The following UNC13C variants were observed in gnomAD, a reference collection of about 807,000 sequenced individuals.
UNC13C encodes unc-13 homolog C.
A neutral mutation model predicts 245.4 loss-of-function variants in UNC13C; 174 were observed. That is an observed-to-expected ratio of 0.71 (90% confidence interval 0.63 to 0.80). UNC13C has a LOEUF of 0.80. Among genes scored for constraint, UNC13C ranks in the 30% least tolerant of loss-of-function variants. The pLI is 0.00. For missense variants in UNC13C, 2,829 were observed against 2,602.9 expected (o/e 1.09, Z -1.89); for synonymous variants, 992 against 895.1 (o/e 1.11, Z -1.93).
At chr15:54,350,422 T>G (rs1217101559) in intron 17 of UNC13C, among the ~76,000 whole-genome samples, 2 of 152,100 alleles carry the variant, frequency 1.3e-5, no homozygotes, top group Non-Finnish European at 2.9e-5. Flanking sequence ...AGAATGGTAA[T>G]TAGAAAGAAA....
At chr15:54,103,226 T>C (rs899658367) in intron 2 of UNC13C, among the ~76,000 whole-genome samples, 2 of 152,206 alleles carry the variant, frequency 1.3e-5, no homozygotes, top group African/African-American at 2.4e-5. Context: ...CTCTTACACA[T>C]AGACATACAT....
At chr15:53,960,223 G>C in the UNC13C span, among the ~76,000 whole-genome samples, 2 of 152,168 alleles carry the variant, frequency 1.3e-5, no homozygotes, top group Admixed American at 1.3e-4. Context: ...CTAAGTCTTA[G>C]TTTCTTTACC....
intron 4 of UNC13C, among the ~76,000 whole-genome samples, chr15:54,214,719 T>C (rs1449444505): frequency 2.0e-5 from 3 of 152,010 alleles, no homozygotes; most frequent in Non-Finnish European, 2.9e-5. Context: ...TATTAAGAAG[T>C]TGGTCTTTCA....
chr15:54,473,885 C>A (rs1445549181), intron 19 of UNC13C, among the ~76,000 whole-genome samples: 1 of 139,834 alleles, frequency 7.2e-6, no homozygotes, highest in Admixed American at 7.1e-5. Flanking sequence ...CCCCCTCCTA[C>A]CTTGTCACCC....
At chr15:54,363,588 G>A (rs914849900) in intron 17 of UNC13C, among the ~76,000 whole-genome samples, 6 of 152,180 alleles carry the variant, frequency 3.9e-5, no homozygotes, top group African/African-American at 1.4e-4. Context: ...GAAATGTGGA[G>A]CCACTAAGAA....
chr15:54,315,879 T>C (rs1021251043), intron 13 of UNC13C, among the ~76,000 whole-genome samples: 4 of 151,874 alleles, frequency 2.6e-5, no homozygotes, highest in African/African-American at 9.7e-5. Context: ...CTGACAGTTA[T>C]TCCTCTCTGA....
chr15:54,387,552 C>G (rs1265075055), intron 17 of UNC13C, among the ~76,000 whole-genome samples: 1 of 152,046 alleles, frequency 6.6e-6, no homozygotes, highest in African/African-American at 2.4e-5. Flanking sequence ...GGGATCATAA[C>G]CCCACTGATG....
chr15:54,058,191 T>C (rs189957026), intron 2 of UNC13C, among the ~76,000 whole-genome samples: 125 of 151,620 alleles, frequency 8.2e-4, no homozygotes, highest in African/African-American at 3.0e-3. Flanking sequence ...TTTGAAAAGA[T>C]CAACAAAACT....
chr15:54,333,791 G>C lies in UNC13C; in HGVS notation c.4519G>C (p.Glu1507Gln). 2 of 1,605,744 alleles carry C rather than the reference G, an allele frequency of 1.2e-6. No individual in the cohort carries two copies. The highest frequency in any genetic ancestry group is 1.7e-6 in the Non-Finnish European group (2 of 1,175,608). ...GGAAAACTTTCCTGCAAGCAATACT[G>C]AAAGACTGCAAGACCTGAAATCAAC... ...YRENFPASNTERLQDLKSTVD... is the reference protein window; with the variant it reads ...YRENFPASNTQRLQDLKSTVD... The change falls in exon 16 of 33, where the codon GAA becomes CAA. Residue 1507 changes from glutamate to glutamine, a missense_variant. Coordinates refer to ENST00000260323, the MANE Select transcript of UNC13C (RefSeq NM_001080534.3).
chr15:54,629,608 A>ATCT (rs1901403907), downstream of UNC13C: 2 of 152,322 alleles, frequency 1.3e-5, no homozygotes, highest in African/African-American at 4.8e-5. Flanking sequence ...CATGGTTAAA[A>ATCT]ATCTCACATG....
chr15:54,151,619 G>A (rs892667709), intron 4 of UNC13C, among the ~76,000 whole-genome samples: 1 of 152,116 alleles, frequency 6.6e-6, no homozygotes, highest in African/African-American at 2.4e-5. Flanking sequence ...GCCCAGGGTG[G>A]TTTTGAACTC....
At position 54,503,841 on chromosome 15, in the gene UNC13C, A is replaced by G. The variant is rs546031571; in HGVS notation, c.5301+2863A>G. On this transcript the variant is annotated intron_variant, in intron 22 of 32. Coordinates refer to ENST00000260323, the MANE Select transcript of UNC13C (RefSeq NM_001080534.3). Reference sequence around the variant, plus strand: ...TACGCTTCTAAGTATTGGAATCCTTATATCAAAATATACTAAAATCCCATT... The same window carrying G: ...TACGCTTCTAAGTATTGGAATCCTTGTATCAAAATATACTAAAATCCCATT... Among the ~76,000 whole-genome samples the G allele has an allele frequency of 3.5e-4, 54 of 152,288 alleles. 1 individual carries two copies. Among genetic ancestry groups the G allele is most frequent in the Admixed American group, 2.7e-3 (42 of 15,290 alleles).
intron 17 of UNC13C, among the ~76,000 whole-genome samples, chr15:54,370,299 GC>G (rs2039460602): frequency 1.3e-5 from 2 of 152,048 alleles, no homozygotes; most frequent in Admixed American, 1.3e-4. Flanking sequence ...GAACAGCAAG[GC>G]CCTAGGAACT....
At chr15:54,078,675 G>A (rs564794230) in intron 2 of UNC13C, among the ~76,000 whole-genome samples, 1 of 152,068 alleles carries the variant, frequency 6.6e-6, no homozygotes, top group Admixed American at 6.5e-5. Context: ...TAATGGAGTT[G>A]TTTTTTCTTT....
At chr15:54,307,070 T>C (rs1456299041) in intron 13 of UNC13C, among the ~76,000 whole-genome samples, 2 of 152,024 alleles carry the variant, frequency 1.3e-5, no homozygotes, top group African/African-American at 2.4e-5. Context: ...TTCTAGAAGA[T>C]GAAATTAATT....
At chr15:53,892,556 T>C in the UNC13C span, among the ~76,000 whole-genome samples, 3 of 152,218 alleles carry the variant, frequency 2.0e-5, no homozygotes, top group South Asian at 6.2e-4. Flanking sequence ...CCATGTTTCT[T>C]GGAGGCTTTA....
At chr15:54,141,846 C>T (rs1019449438) in intron 2 of UNC13C, among the ~76,000 whole-genome samples, 5 of 151,942 alleles carry the variant, frequency 3.3e-5, no homozygotes, top group African/African-American at 1.2e-4. Flanking sequence ...AAAATCTGCA[C>T]CAAAATATTT....
At chr15:54,513,893 C>T (rs942856725) in intron 24 of UNC13C, among the ~76,000 whole-genome samples, 22 of 151,678 alleles carry the variant, frequency 1.5e-4, no homozygotes, top group African/African-American at 4.8e-4. Context: ...ATGCATAGAT[C>T]TTTTCTCTTA....
intron 4 of UNC13C, among the ~76,000 whole-genome samples, chr15:54,201,523 TA>T (rs2034522462): frequency 2.0e-5 from 3 of 151,884 alleles, no homozygotes; most frequent in Admixed American, 6.6e-5. Flanking sequence ...CTTAAGTCAA[TA>T]AATATGATAC....
Sources: gnomAD v4.1 joint callset for allele counts (sites outside exome capture counted in the v4.1 genomes callset) on GRCh38, gnomAD v4.1.1 for gene constraint, MANE v1.5 for transcripts, NCBI Gene and HGNC (gene_info 2026-07-23, HGNC 2026-07-21) for gene names.